The following GRIK4 variants were observed in gnomAD, a reference collection of about 807,000 sequenced individuals.
GRIK4 encodes the protein glutamate ionotropic receptor kainate type subunit 4, also known as glutamate receptor ionotropic, kainate 4.
A neutral mutation model predicts 104.9 loss-of-function variants in GRIK4; 40 were observed. That is an observed-to-expected ratio of 0.38 (90% CI 0.30 to 0.50). The LOEUF is 0.50. Ranked by LOEUF, GRIK4 falls within the 20% of genes least tolerant of loss-of-function variation. The pLI is 0.93. For synonymous variants in GRIK4, 485 were observed against 524.9 expected (o/e 0.92, Z 1.04); for missense variants, 1,047 against 1,308.1 (o/e 0.80, Z 3.08).
chr11:120,890,370 C>T (rs1955251822), intron 11 of GRIK4, among the ~76,000 whole-genome samples: 1 of 152,282 alleles, frequency 6.6e-6, no homozygotes, highest in South Asian at 2.1e-4. Flanking sequence ...CAAGCTAGCT[C>T]CTAAGCAACC....
chr11:120,984,384 A>G (rs1316882672), intron 20 of GRIK4, among the ~76,000 whole-genome samples: 2 of 152,202 alleles, frequency 1.3e-5, no homozygotes, highest in Admixed American at 6.5e-5. Flanking sequence ...AGAGTCAGCT[A>G]TTAGTCAATT....
Position 120,831,318 on chromosome 11 carries a change from G to A in GRIK4, c.512-534G>A, listed in dbSNP as rs193287726. ...AGTGTAACATTTGTGAGGGTTTAAT[G>A]TGTCCGAGGCTCGGGCCTGAGCCCT... On this transcript the variant is annotated intron_variant, in intron 6 of 20. Coordinates refer to ENST00000527524, the MANE Select transcript of GRIK4 (RefSeq NM_014619.5). 4.9e-3 allele frequency among the ~76,000 whole-genome samples: 741 copies of A among 152,326 alleles called. 3 individuals are homozygous for A. Among genetic ancestry groups the A allele is most frequent in the Middle Eastern group, 0.01 (3 of 294 alleles).
chr11:120,848,159 G>A (rs1433924307), intron 8 of GRIK4, among the ~76,000 whole-genome samples: 1 of 152,174 alleles, frequency 6.6e-6, no homozygotes. Flanking sequence ...AGGATGGCTG[G>A]GCAGCCGTTG....
chr11:120,773,624 C>CTG (rs773116638), intron 3 of GRIK4, among the ~76,000 whole-genome samples: 7 of 152,120 alleles, frequency 4.6e-5, no homozygotes, highest in Non-Finnish European at 1.0e-4. Context: ...AACCTTGGAA[C>CTG]TGTGTTAGGC....
At position 120,961,080 on chromosome 11, in the gene GRIK4, C is replaced by A; in HGVS notation, c.2040+6C>A. On this transcript the variant is annotated splice_donor_region_variant and intron_variant, in intron 17 of 20. Transcript: ENST00000527524. ...CCAGCATGACCTTCTTCCAAGTAAA[C>A]CCCATTTGGTTGCTCACCAGCATCG... The A allele has an allele frequency of 6.2e-7, 1 of 1,613,130 alleles. No homozygotes were observed. Among genetic ancestry groups the A allele is most frequent in the Non-Finnish European group, 8.5e-7 (1 of 1,179,304 alleles).
intron 3 of GRIK4, among the ~76,000 whole-genome samples, chr11:120,737,403 A>T (rs1400732073): frequency 6.6e-6 from 1 of 152,204 alleles, no homozygotes; most frequent in African/African-American, 2.4e-5. Context: ...GTGTGTTCCT[A>T]ATGAAGTGCA....
intron 1 of GRIK4, among the ~76,000 whole-genome samples, chr11:120,525,191 A>G (rs1022176276): frequency 6.6e-6 from 1 of 152,204 alleles, no homozygotes; most frequent in African/African-American, 2.4e-5. Context: ...ACATGGCCAC[A>G]GGGTACCATG....
intron 3 of GRIK4, among the ~76,000 whole-genome samples, chr11:120,785,124 C>T (rs995998386): frequency 6.6e-5 from 10 of 152,124 alleles, no homozygotes; most frequent in South Asian, 6.2e-4. Flanking sequence ...AGGCTGTCAC[C>T]GGCGGGCCAT....
intron 11 of GRIK4, among the ~76,000 whole-genome samples, chr11:120,891,370 G>A (rs1456778663): frequency 6.6e-6 from 1 of 152,210 alleles, no homozygotes; most frequent in Non-Finnish European, 1.5e-5. Context: ...AAACAGAATA[G>A]CACAGTGGTT....
At chr11:120,792,243 TG>T (rs1267928342) in intron 3 of GRIK4, among the ~76,000 whole-genome samples, 1 of 151,668 alleles carries the variant, frequency 6.6e-6, no homozygotes, top group East Asian at 1.9e-4. Flanking sequence ...ACCGTGTGTG[TG>T]TGTGTGTGCG....
chr11:120,529,116 C>A (rs1223783294), intron 1 of GRIK4, among the ~76,000 whole-genome samples: 1 of 151,778 alleles, frequency 6.6e-6, no homozygotes, highest in Non-Finnish European at 1.5e-5. Flanking sequence ...CCTCCCTGAG[C>A]CTGCATAACC....
chr11:120,598,487 CAG>C (rs1948837396), intron 1 of GRIK4, among the ~76,000 whole-genome samples: 1 of 152,208 alleles, frequency 6.6e-6, no homozygotes, highest in Non-Finnish European at 1.5e-5. Context: ...TTTTCCTTGA[CAG>C]AGAATGGCAC....
intron 1 of GRIK4, among the ~76,000 whole-genome samples, chr11:120,553,400 T>C (rs533891231): frequency 6.6e-6 from 1 of 152,166 alleles, no homozygotes; most frequent in Non-Finnish European, 1.5e-5. Context: ...GGCTGGGATC[T>C]ATCATTCCAA....
Position 120,760,245 on chromosome 11 carries a change from TTGTCTCTC to T in GRIK4, c.83-42442_83-42435del, listed in dbSNP as rs1358497328. On this transcript the variant is annotated intron_variant, in intron 3 of 20. Coordinates refer to ENST00000527524, the MANE Select transcript of GRIK4 (RefSeq NM_014619.5). ...ACATATAACTGAGATAATGCAATATTTGTCTCTCTGTCTAGCTTATTCACTTAGCATAT... is the reference window on the plus strand; with the variant it reads ...ACATATAACTGAGATAATGCAATATTTGTCTAGCTTATTCACTTAGCATAT... Among the ~76,000 whole-genome samples the T allele has an allele frequency of 2.0e-5, 3 of 151,570 alleles. No individual in the cohort carries two copies. In the East Asian group the frequency reaches 5.8e-4, roughly 29 times the overall value.
intron 1 of GRIK4, among the ~76,000 whole-genome samples, chr11:120,550,247 G>A (rs1462872521): frequency 1.3e-5 from 2 of 151,288 alleles, no homozygotes; most frequent in East Asian, 3.9e-4. Flanking sequence ...GGTTGCTGCT[G>A]CCGCAGGGCT....
intron 1 of GRIK4, among the ~76,000 whole-genome samples, chr11:120,554,621 C>T (rs1278357283): frequency 8.6e-5 from 13 of 151,648 alleles, no homozygotes; most frequent in African/African-American, 1.7e-4. Context: ...TTCAGTGGCG[C>T]GATCTCTGCT....
chr11:120,963,213 A>G (rs1010771237), intron 18 of GRIK4, among the ~76,000 whole-genome samples: 1 of 152,206 alleles, frequency 6.6e-6, no homozygotes, highest in Non-Finnish European at 1.5e-5. Flanking sequence ...CATCTATGGT[A>G]GGTCGGTGTG....
intron 3 of GRIK4, among the ~76,000 whole-genome samples, chr11:120,735,664 T>C (rs1412498641): frequency 2.0e-5 from 3 of 149,262 alleles, no homozygotes; most frequent in Non-Finnish European, 4.4e-5. Flanking sequence ...GGTCTATAGA[T>C]ACTGTCTGGG....
At chr11:120,562,995 A>G (rs147000739) in intron 1 of GRIK4, among the ~76,000 whole-genome samples, 2 of 152,098 alleles carry the variant, frequency 1.3e-5, no homozygotes, top group African/African-American at 4.8e-5. Flanking sequence ...TGGGCTGTGG[A>G]TGTATGTGAC....
Sources: allele counts gnomAD v4.1 joint callset (sites outside exome capture counted in the v4.1 genomes callset), GRCh38; gene constraint gnomAD v4.1.1; transcripts MANE v1.5; gene names NCBI Gene and HGNC (gene_info 2026-07-23, HGNC 2026-07-21).